The following SV2B variants were observed in gnomAD, a reference collection of about 807,000 sequenced individuals.
SV2B encodes the protein synaptic vesicle glycoprotein 2B, also known as solute carrier family 22 member B2.
Under a neutral mutation model 73.9 loss-of-function variants are expected in SV2B, and 41 were observed. That is an observed-to-expected ratio of 0.56 (90% CI 0.43 to 0.72). The LOEUF (loss-of-function observed/expected upper bound fraction) is 0.72. Among genes scored for constraint, SV2B ranks in the 30% least tolerant of loss-of-function variants. The probability of loss-of-function intolerance (pLI) is 0.00; values close to 1 mark genes in which losing one functional copy is unlikely to be tolerated. For synonymous variants in SV2B, 314 were observed against 314.2 expected (o/e 1.00, Z 0.01); for missense variants, 764 against 857.8 (o/e 0.89, Z 1.37).
chr15:91,132,045 G>A lies in SV2B; in HGVS notation c.-392+31682G>A, dbSNP rs995364755. On this transcript the variant is annotated intron_variant, in intron 1 of 12. Transcript: ENST00000394232. The surrounding 1 kb of genome is among the most constrained non-coding windows in gnomAD (Gnocchi z 4.6). ...AGGGTCGTGACTGCAAGTTATTGAG[G>A]TTCTTGGTGTTTTGAACAAAGAATG... Among the ~76,000 whole-genome samples, 1 of 152,190 alleles carries A rather than the reference G, an allele frequency of 6.6e-6. No homozygotes were observed. Among genetic ancestry groups the A allele is most frequent in the Non-Finnish European group, 1.5e-5 (1 of 68,042 alleles).
intron 2 of SV2B, among the ~76,000 whole-genome samples, chr15:91,248,845 T>C (rs2047359694): frequency 6.6e-6 from 1 of 152,182 alleles, no homozygotes; most frequent in South Asian, 2.1e-4. Context: ...GACAGCTTTA[T>C]TGAAGTAAAA....
intron 1 of SV2B, among the ~76,000 whole-genome samples, chr15:91,161,450 T>A (rs2043715027): frequency 6.6e-6 from 1 of 152,236 alleles, no homozygotes; most frequent in Non-Finnish European, 1.5e-5. Flanking sequence ...ATAAGAATTT[T>A]AAAAATTGAT....
chr15:91,138,133 C>T (rs773462002), intron 1 of SV2B, among the ~76,000 whole-genome samples: 20 of 152,120 alleles, frequency 1.3e-4, no homozygotes, highest in Non-Finnish European at 2.4e-4. Flanking sequence ...ACCCCCAAAA[C>T]AAGACAAAAA....
chr15:91,260,384 A>T lies in SV2B; in HGVS notation c.983A>T (p.Lys328Met). The change falls in exon 6 of 13, where the codon AAG (lysine) becomes ATG (methionine). Residue 328 changes from lysine (K) to methionine (M), a missense_variant. Coordinates refer to ENST00000394232, the MANE Select transcript of SV2B (RefSeq NM_001323032.3). ...KQVHDTNMRAKGTPEKVFTVS... is the reference protein window; with the variant it reads ...KQVHDTNMRAMGTPEKVFTVS... The stretch of plus-strand genomic sequence containing the variant: ...GTCCATGACACCAACATGAGAGCTA[A>T]GGGGACCCCAGAGAAAGTGTTCACG... 4 of 1,613,582 alleles carry T rather than the reference A, an allele frequency of 2.5e-6. No homozygotes were observed. The highest frequency in any genetic ancestry group is 3.4e-6 in the Non-Finnish European group (4 of 1,179,798).
intron 1 of SV2B, among the ~76,000 whole-genome samples, chr15:91,217,087 G>A (rs974661241): frequency 3.9e-5 from 6 of 151,940 alleles, no homozygotes; most frequent in Admixed American, 2.0e-4. Flanking sequence ...ATGTTGGCCA[G>A]GCTGGCCTTG....
Position 91,139,135 on chromosome 15 carries a change from C to T in SV2B, c.-392+38772C>T, listed in dbSNP as rs1423533256. 3.3e-5 allele frequency among the ~76,000 whole-genome samples: 5 copies of T among 152,084 alleles called. No homozygotes were observed. The highest frequency in any genetic ancestry group is 7.2e-5 in the African/African-American group (3 of 41,462). ...TTCTTTAAAAATTGTTACTGATGTG[C>T]GTATGGCTAAAATCATATGATGTTG... On this transcript the variant is annotated intron_variant, in intron 1 of 12. Coordinates refer to ENST00000394232, the MANE Select transcript of SV2B (RefSeq NM_001323032.3). The surrounding 1 kb of genome is among the most constrained non-coding windows in gnomAD (Gnocchi z 5.2).
chr15:91,185,285 A>G (rs2044727939), intron 1 of SV2B, among the ~76,000 whole-genome samples: 1 of 152,152 alleles, frequency 6.6e-6, no homozygotes, highest in South Asian at 2.1e-4. Flanking sequence ...TCAAAATCAA[A>G]TTTATTTTGA....
chr15:91,279,683 A>C (rs7167433), intron 9 of SV2B, among the ~76,000 whole-genome samples: 145,749 of 152,322 alleles, frequency 0.96, 69,826 homozygotes, highest in East Asian at 1. Flanking sequence ...GCCTTCTCAG[A>C]CACCCTGGGA....
At chr15:91,247,538 TATAACTTAGAATCTTGAAAAGGGGTTCC>T (rs2047285500) in intron 2 of SV2B, among the ~76,000 whole-genome samples, 1 of 152,114 alleles carries the variant, frequency 6.6e-6, no homozygotes, top group African/African-American at 2.4e-5. Context: ...TTGGAATGAT[TATAACTTAGAATCTTGAAAAGGGGTTCC>T]ATAAAGCTGC....
At chr15:91,186,857 A>G (rs2141336050) in intron 1 of SV2B, among the ~76,000 whole-genome samples, 1 of 152,332 alleles carries the variant, frequency 6.6e-6, no homozygotes, top group Admixed American at 6.5e-5. Context: ...CCCTAAATGT[A>G]TACAAATAAA....
intron 1 of SV2B, among the ~76,000 whole-genome samples, chr15:91,103,582 C>A (rs529949692): frequency 1.3e-5 from 2 of 152,284 alleles, no homozygotes; most frequent in East Asian, 3.9e-4. Context: ...TGCTGCTCTG[C>A]CCTTTGGAAA....
rs1596828171 is a variant in SV2B at position 91,298,596 on chromosome 15, A to G, written c.*6044A>G. Reference sequence around the variant, plus strand: ...GAGATTTATTTAGCAGGACCATACTATGCCCCCTGGAAGGTTCAGTTTATG... The same window carrying G: ...GAGATTTATTTAGCAGGACCATACTGTGCCCCCTGGAAGGTTCAGTTTATG... On this transcript the variant is annotated 3_prime_UTR_variant, in exon 13 of 13. Coordinates refer to ENST00000394232, the MANE Select transcript of SV2B (RefSeq NM_001323032.3). The surrounding 1 kb of genome is among the most constrained non-coding windows in gnomAD (Gnocchi z 5.4). The G allele has an allele frequency of 6.6e-6, 1 of 152,202 alleles. No homozygotes were observed. The highest frequency in any genetic ancestry group is 2.1e-4 in the South Asian group (1 of 4,832). 9.4% of individuals were successfully genotyped at this position (152,202 alleles called of 1,614,324 possible).
intron 11 of SV2B, among the ~76,000 whole-genome samples, chr15:91,287,427 A>G (rs1300145996): frequency 6.6e-6 from 1 of 151,702 alleles, no homozygotes; most frequent in Non-Finnish European, 1.5e-5. Flanking sequence ...TGCTCACCCT[A>G]TTTCCACCTC....
rs1345952521 is a variant in SV2B, at chr15:91,283,954, T to G, written c.1508-67T>G. ...TACAGGAGGGGGCAGACTTCATCCC[T>G]GCCTCTGCCTTTCTCTCTCCAGCTC... On this transcript the variant is annotated intron_variant, in intron 10 of 12. Transcript: ENST00000394232. This position sits in a 1 kb window ranked among gnomAD's most constrained non-coding sequence, Gnocchi z 4.3. 1 of 1,538,506 alleles carries G rather than the reference T, an allele frequency of 6.5e-7. No individual in the cohort carries two copies. Among genetic ancestry groups the G allele is most frequent in the African/African-American group, 1.4e-5 (1 of 73,154 alleles).
intron 1 of SV2B, among the ~76,000 whole-genome samples, chr15:91,217,882 T>C (rs1208311717): frequency 6.6e-6 from 1 of 152,224 alleles, no homozygotes; most frequent in Non-Finnish European, 1.5e-5. Context: ...GGGACTATGA[T>C]TCAGGTCCTG....
At chr15:91,287,573 G>T (rs2048901575) in intron 11 of SV2B, among the ~76,000 whole-genome samples, 1 of 152,140 alleles carries the variant, frequency 6.6e-6, no homozygotes, top group Non-Finnish European at 1.5e-5. Context: ...TCTTTGGATG[G>T]GATCTCCTAT....
rs1379908330 is a variant in SV2B, at chr15:91,299,189, C to T, written c.*6637C>T. On this transcript the variant is annotated 3_prime_UTR_variant, in exon 13 of 13. Transcript: ENST00000394232. Reference sequence around the variant, plus strand: ...TAAAACTATAAATAAAGTGGCTTTCCAGAAAAATTAGATATTGGACTCTAT... The same window carrying T: ...TAAAACTATAAATAAAGTGGCTTTCTAGAAAAATTAGATATTGGACTCTAT... The T allele has an allele frequency of 2.6e-5, 4 of 151,884 alleles. No individual in the cohort carries two copies. Among genetic ancestry groups the T allele is most frequent in the African/African-American group, 4.8e-5 (2 of 41,340 alleles). 9.4% of individuals were successfully genotyped at this position (151,884 alleles called of 1,614,324 possible).
At position 91,292,300 on chromosome 15, in the gene SV2B, G is replaced by T. The variant is rs143063952; in HGVS notation, c.1869-69G>T. 696 of 1,487,182 alleles carry T rather than the reference G, an allele frequency of 4.7e-4. 7 individuals are homozygous for T. In the East Asian group the frequency reaches 0.014, roughly 31 times the overall value. The allele number at this position is 1,487,182 out of a possible 1,614,324, so 92.1% of individuals were successfully genotyped here. A position where few individuals can be genotyped will look rare whatever the true frequency, so the allele number is the denominator to read the frequency against. ...CCTCTTCCCCCTGCAATAAGGAAAAGAAAGAGCCCAGTCCTGTTCATCTAA... is the reference window on the plus strand; with the variant it reads ...CCTCTTCCCCCTGCAATAAGGAAAATAAAGAGCCCAGTCCTGTTCATCTAA... On this transcript the variant is annotated intron_variant, in intron 12 of 12. Coordinates refer to ENST00000394232, the MANE Select transcript of SV2B (RefSeq NM_001323032.3).
At chr15:91,279,188 T>C (rs1446367890) in intron 9 of SV2B, among the ~76,000 whole-genome samples, 1 of 152,256 alleles carries the variant, frequency 6.6e-6, no homozygotes, top group Admixed American at 6.5e-5. Flanking sequence ...CATACCTCTA[T>C]CTTGATAATC....
Sources: gnomAD v4.1 joint callset for allele counts (sites outside exome capture counted in the v4.1 genomes callset) on GRCh38, gnomAD v4.1.1 for gene constraint, Gnocchi (gnomAD v3.1) non-coding constraint, MANE v1.5 for transcripts, NCBI Gene and HGNC (gene_info 2026-07-23, HGNC 2026-07-21) for gene names.